Variants in SPAG1 observed in about 807,000 individuals in gnomAD.
The protein encoded by SPAG1 is sperm-associated antigen 1.
In SPAG1, 69 loss-of-function variants were observed where a neutral mutation model predicts 100.5. That is an observed-to-expected ratio of 0.69 (90% confidence interval 0.57 to 0.84). SPAG1 has a LOEUF of 0.84. Among genes scored for constraint, SPAG1 ranks in the 40% least tolerant of loss-of-function variants. SPAG1 has a pLI of 0.00. For synonymous variants in SPAG1, 336 were observed against 411.6 expected, an observed-to-expected ratio of 0.82 and a Z score of 2.22; for missense variants, 955 against 1,133.1, an observed-to-expected ratio of 0.84 and a Z score of 2.26.
chr8:100,233,171 G>T (rs562730016), intron 15 of SPAG1: 88 of 412,596 alleles, frequency 2.1e-4, no homozygotes, highest in African/African-American at 1.8e-3. Flanking sequence ...TATTGTGTTT[G>T]CTTGTTTTAA....
chr8:100,232,236 C>T (rs1042784404), intron 15 of SPAG1, among the ~76,000 whole-genome samples: 14 of 152,152 alleles, frequency 9.2e-5, no homozygotes, highest in Non-Finnish European at 1.6e-4. Flanking sequence ...GAAGACTCCT[C>T]CTCCTCTTGG....
intron 14 of SPAG1, among the ~76,000 whole-genome samples, chr8:100,228,605 T>A (rs1345930482): frequency 6.6e-6 from 1 of 151,768 alleles, no homozygotes; most frequent in Non-Finnish European, 1.5e-5. Flanking sequence ...CCCAGCTGCT[T>A]GGGAGGCTGA....
chr8:100,228,556 T>C lies in SPAG1; in HGVS notation c.1856-2600T>C, dbSNP rs1024370988. On this transcript the variant is annotated intron_variant, in intron 14 of 18. Transcript: ENST00000388798. ...GGCAAAACCCTGTCTCTACTAAAAATACAAAAATTAGCTGAGCATGGTAGC... is the reference window on the plus strand; with the variant it reads ...GGCAAAACCCTGTCTCTACTAAAAACACAAAAATTAGCTGAGCATGGTAGC... 2.0e-5 allele frequency among the ~76,000 whole-genome samples: 3 copies of C among 151,644 alleles called. No homozygotes were observed. In the East Asian group the frequency reaches 5.8e-4, roughly 30 times the overall value.
chr8:100,186,642 G>T (rs73279049), intron 7 of SPAG1, among the ~76,000 whole-genome samples: 3,263 of 152,210 alleles, frequency 0.021, 102 homozygotes, highest in African/African-American at 0.072. Context: ...AATATAGGCT[G>T]TATTTGTTTG....
chr8:100,213,292 C>G lies in SPAG1; in HGVS notation c.1299C>G (p.Thr433=). ...CGGCGGCGGCGGGCGGCGGCGCCAC[C>G]GGGCATCCGGGCGGCGGGCAGGGCG... The part of the protein sequence containing the change: ...SAAAAAGGGA[T]GHPGGGQGAE... Residue 433 remains threonine, a synonymous_variant, in exon 11 of 19, where the codon ACC becomes ACG. Transcript: ENST00000388798. 1 of 1,224,936 alleles carries G rather than the reference C, an allele frequency of 8.2e-7. No homozygotes were observed. Among genetic ancestry groups the G allele is most frequent in the Non-Finnish European group, 1.0e-6 (1 of 985,326 alleles). 75.9% of individuals were successfully genotyped at this position (1,224,936 alleles called of 1,614,324 possible).
chr8:100,189,176 TA>T (rs113314634), intron 8 of SPAG1, among the ~76,000 whole-genome samples: 31,994 of 124,770 alleles, frequency 0.26, 3,421 homozygotes, highest in Middle Eastern at 0.31. Context: ...TACTAAAAAT[TA>T]AAAAAAAAAA....
At chr8:100,178,647 A>G (rs543337577) in intron 4 of SPAG1, among the ~76,000 whole-genome samples, 30 of 152,222 alleles carry the variant, frequency 2.0e-4, no homozygotes, top group African/African-American at 7.2e-4. Context: ...CTTTGAATCA[A>G]TTTTATTTTA....
At position 100,160,203 on chromosome 8, in the gene SPAG1, G is replaced by C. The variant is rs73279009; in HGVS notation, c.-3+1587G>C. ...TATTCCCAATTCAATTAAATGCAGCGAATGTTTCTGAAGGGGTATAGGCAC... is the reference window on the plus strand; with the variant it reads ...TATTCCCAATTCAATTAAATGCAGCCAATGTTTCTGAAGGGGTATAGGCAC... On this transcript the variant is annotated intron_variant, in intron 1 of 18. Transcript: ENST00000388798. Among the ~76,000 whole-genome samples the C allele has an allele frequency of 6.0e-3, 920 of 152,268 alleles. 15 individuals carry two copies. Among genetic ancestry groups the C allele is most frequent in the African/African-American group, 0.021 (893 of 41,550 alleles).
rs548980547 is a variant in SPAG1, at chr8:100,205,832, T to C, written c.1097-7258T>C. Among the ~76,000 whole-genome samples, 3 of 151,418 alleles carry C rather than the reference T, an allele frequency of 2.0e-5. No homozygotes were observed. In the South Asian group the frequency reaches 6.3e-4, roughly 32 times the overall value. The stretch of plus-strand genomic sequence containing the variant: ...GAGATCGAGACCATCCTGGGCAACA[T>C]GGTGAAACCCCGTCTCTACTAAAAA... On this transcript the variant is annotated intron_variant, in intron 10 of 18. Transcript: ENST00000388798.
chr8:100,226,982 T>G (rs917502312), intron 14 of SPAG1, among the ~76,000 whole-genome samples: 4 of 152,242 alleles, frequency 2.6e-5, no homozygotes, highest in Admixed American at 2.6e-4. Flanking sequence ...TGTGTTACAG[T>G]TGCCCACAGT....
chr8:100,215,647 G>C (rs1817949182), intron 12 of SPAG1, among the ~76,000 whole-genome samples: 1 of 152,132 alleles, frequency 6.6e-6, no homozygotes, highest in African/African-American at 2.4e-5. Context: ...GCCTCAGCCT[G>C]GAGAGTAGCT....
At chr8:100,215,532 T>C (rs1027625363) in intron 12 of SPAG1, among the ~76,000 whole-genome samples, 3 of 152,200 alleles carry the variant, frequency 2.0e-5, no homozygotes, top group Non-Finnish European at 4.4e-5. Context: ...CAGTTTATTT[T>C]GTTTTTTTGT....
intron 8 of SPAG1, among the ~76,000 whole-genome samples, chr8:100,189,097 C>T (rs1462120943): frequency 2.6e-5 from 4 of 151,190 alleles, no homozygotes; most frequent in Admixed American, 1.3e-4. Context: ...TTTGGGAGGC[C>T]GAGGTGGGCA....
Position 100,165,962 on chromosome 8 carries a change from G to A in SPAG1, c.289G>A (p.Gly97Ser). The change falls in exon 3 of 19, where the codon GGT becomes AGT. Residue 97 changes from glycine to serine, a missense_variant. By Grantham distance (56) the Gly-to-Ser change is moderately conservative. Transcript: ENST00000388798. ...FTAEEWEKID[G>S]DIKSWVSEIK... The stretch of plus-strand genomic sequence containing the variant: ...AGCTGAAGAATGGGAAAAAATTGAT[G>A]GTGATATAAAGGTATATAGTAATAC... The A allele has an allele frequency of 6.2e-7, 1 of 1,613,212 alleles. No homozygotes were observed. The highest frequency in any genetic ancestry group is 8.5e-7 in the Non-Finnish European group (1 of 1,179,542).
intron 12 of SPAG1, among the ~76,000 whole-genome samples, chr8:100,216,958 A>G (rs1306325481): frequency 1.0e-5 from 1 of 98,976 alleles, no homozygotes; most frequent in East Asian, 3.2e-4. Context: ...TTTTTTTGAG[A>G]CTGAGTCTTG....
chr8:100,173,248 G>T (rs553380637), intron 3 of SPAG1, among the ~76,000 whole-genome samples: 1 of 151,714 alleles, frequency 6.6e-6, no homozygotes, highest in Non-Finnish European at 1.5e-5. Context: ...GTCCAGGCTG[G>T]TCTAGAACTC....
At chr8:100,240,864 G>GTTTTTTTTTTTTTTTTT in intron 18 of SPAG1, 27 bp from the exon 19 acceptor site, 2 of 1,388,404 alleles carry the variant, frequency 1.4e-6, no homozygotes, top group South Asian at 1.4e-5. Flanking sequence ...TTGGTTTTTT[G>GTTTTTTTTTTTTTTTTT]TTTTTTTTTT....
intron 12 of SPAG1, 142 bp downstream of exon 12, chr8:100,214,060 A>G: frequency 3.7e-6 from 2 of 544,234 alleles, no homozygotes; most frequent in South Asian, 5.8e-5. Flanking sequence ...ATGCATAAAA[A>G]TCATAAATTA....
chr8:100,200,250 T>C (rs576133544), intron 10 of SPAG1, among the ~76,000 whole-genome samples: 2 of 152,362 alleles, frequency 1.3e-5, no homozygotes, highest in African/African-American at 4.8e-5. Context: ...TCCAGCTTCA[T>C]CCATGTCCCT....
Sources: gnomAD v4.1 joint callset for allele counts (sites outside exome capture counted in the v4.1 genomes callset) on GRCh38, gnomAD v4.1.1 for gene constraint, MANE v1.5 for transcripts, NCBI Gene and HGNC (gene_info 2026-07-23, HGNC 2026-07-21) for gene names.